The following ANO3 variants were observed in gnomAD, a reference collection of about 807,000 sequenced individuals.
The protein encoded by ANO3 is anoctamin 3, also known as anoctamin-3.
A neutral mutation model predicts 144.8 loss-of-function variants in ANO3; 99 were observed. The ratio of observed to expected loss-of-function variants is 0.68; its 90% confidence interval spans 0.58 to 0.81. The LOEUF is 0.81. ANO3 is among the 30% of genes least tolerant of loss of function. The probability of loss-of-function intolerance (pLI) is 0.00; values close to 1 mark genes in which losing one functional copy is unlikely to be tolerated. For missense variants in ANO3, 905 were observed against 1,202.2 expected (o/e 0.75, Z 3.66); for synonymous variants, 414 against 392.6 (o/e 1.05, Z -0.64).
intron 6 of ANO3, among the ~76,000 whole-genome samples, chr11:26,518,091 G>T (rs1435164899): frequency 6.6e-6 from 1 of 151,932 alleles, no homozygotes; most frequent in Non-Finnish European, 1.5e-5. Flanking sequence ...TTTAAAAAAA[G>T]ATAAATAAAG....
intron 14 of ANO3, among the ~76,000 whole-genome samples, chr11:26,586,501 A>ATTTTTTTTTTTTTTTTTTTTTT (rs1281089936): frequency 9.8e-4 from 39 of 39,986 alleles, no homozygotes; most frequent in African/African-American, 1.3e-3. Flanking sequence ...CCTGGTGAGA[A>ATTTTTTTTTTTTTTTTTTTTTT]TCTTTTTTTT....
intron 14 of ANO3, among the ~76,000 whole-genome samples, chr11:26,587,547 T>C (rs1458312623): frequency 2.0e-5 from 3 of 152,228 alleles, no homozygotes; most frequent in Admixed American, 6.5e-5. Flanking sequence ...GTTCATAACT[T>C]AGGTTTGCAA....
chr11:26,486,439 A>T (rs1339791225), intron 4 of ANO3, among the ~76,000 whole-genome samples: 1 of 151,496 alleles, frequency 6.6e-6, no homozygotes, highest in African/African-American at 2.4e-5. Context: ...CATTTTTTAT[A>T]TTGGCTATAG....
intron 1 of ANO3, among the ~76,000 whole-genome samples, chr11:26,394,534 A>G (rs1671745868): frequency 6.6e-6 from 1 of 151,032 alleles, no homozygotes; most frequent in Admixed American, 6.6e-5. Context: ...ATAATAGGAG[A>G]TAGATGGAAA....
At chr11:26,506,323 G>A (rs1042267559) in intron 4 of ANO3, among the ~76,000 whole-genome samples, 37 of 152,090 alleles carry the variant, frequency 2.4e-4, no homozygotes, top group African/African-American at 8.9e-4. Flanking sequence ...CAAAATGCTG[G>A]CTTCATTATT....
chr11:26,645,533 C>T (rs1039157423), intron 23 of ANO3, among the ~76,000 whole-genome samples: 5 of 152,016 alleles, frequency 3.3e-5, no homozygotes, highest in Non-Finnish European at 5.9e-5. Context: ...ATACTGTCAT[C>T]AAAGTTTATT....
At chr11:26,617,954 T>C (rs10835021) in intron 17 of ANO3, among the ~76,000 whole-genome samples, 105,911 of 152,026 alleles carry the variant, frequency 0.7, 38,035 homozygotes, top group East Asian at 0.84. Flanking sequence ...CCATTAATGT[T>C]AAATATTATA....
chr11:26,290,662 T>C (rs1281539465), intron 1 of ANO3, among the ~76,000 whole-genome samples: 7 of 152,244 alleles, frequency 4.6e-5, no homozygotes, highest in Non-Finnish European at 8.8e-5. Context: ...TTCAATTCAT[T>C]ATTTACCCAG....
Position 26,396,522 on chromosome 11 carries a change from T to A in ANO3, c.47-45396T>A, listed in dbSNP as rs191991287. On this transcript the variant is annotated intron_variant, in intron 1 of 26. Transcript: ENST00000256737. Reference sequence around the variant, plus strand: ...ATGTTTATTGCAGCACTGTTCACAATAGCAAAGACTTGGAACCAACCCAAA... The same window carrying A: ...ATGTTTATTGCAGCACTGTTCACAAAAGCAAAGACTTGGAACCAACCCAAA... 3.4e-3 allele frequency among the ~76,000 whole-genome samples: 511 copies of A among 152,206 alleles called. 1 individual carries two copies. Among genetic ancestry groups the A allele is most frequent in the Middle Eastern group, 6.8e-3 (2 of 294 alleles).
intron 1 of ANO3, among the ~76,000 whole-genome samples, chr11:26,303,061 CAGATAAAAGGGAACACTTATA>C (rs762232612): frequency 5.7e-4 from 86 of 152,208 alleles, no homozygotes; most frequent in Middle Eastern, 3.4e-3. Context: ...AGTGAGGCTT[CAGATAAAAGGGAACACTTATA>C]CACTGTTGGT....
chr11:26,230,552 T>A (rs2133801305), intron 1 of ANO3, among the ~76,000 whole-genome samples: 1 of 152,040 alleles, frequency 6.6e-6, no homozygotes, highest in South Asian at 2.1e-4. Context: ...ATCCCAGCAT[T>A]TTGGGAGGCC....
intron 8 of ANO3, among the ~76,000 whole-genome samples, chr11:26,533,293 A>C (rs1044037878): frequency 3.9e-5 from 6 of 152,216 alleles, no homozygotes; most frequent in Admixed American, 3.9e-4. Flanking sequence ...TGGGGAGAGA[A>C]GAAGAAACAG....
chr11:26,530,266 G>C (rs1186016706), intron 7 of ANO3, among the ~76,000 whole-genome samples: 1 of 152,100 alleles, frequency 6.6e-6, no homozygotes, highest in Non-Finnish European at 1.5e-5. Context: ...AAGTTTACGT[G>C]GCTAGCACAG....
At chr11:26,591,909 C>G (rs897060882) in intron 14 of ANO3, among the ~76,000 whole-genome samples, 7 of 152,006 alleles carry the variant, frequency 4.6e-5, no homozygotes, top group Admixed American at 2.6e-4. Flanking sequence ...GCCACTTTAA[C>G]CATGGTTGGG....
intron 1 of ANO3, among the ~76,000 whole-genome samples, chr11:26,203,940 T>G (rs914468919): frequency 5.9e-5 from 9 of 152,112 alleles, no homozygotes; most frequent in African/African-American, 2.2e-4. Flanking sequence ...CTTCACTTGC[T>G]TTTCCACTCT....
At chr11:26,376,500 G>T (rs945360879) in intron 1 of ANO3, among the ~76,000 whole-genome samples, 1 of 152,024 alleles carries the variant, frequency 6.6e-6, no homozygotes, top group Non-Finnish European at 1.5e-5. Flanking sequence ...AAACTCAGCA[G>T]CTTGGTAAAG....
At chr11:26,577,579 A>G (rs5009080) in intron 14 of ANO3, among the ~76,000 whole-genome samples, 241 of 118,864 alleles carry the variant, frequency 2.0e-3, no homozygotes, top group African/African-American at 5.9e-3. Context: ...AAAAAAAAAA[A>G]AGAGAGAGAG....
chr11:26,211,679 A>C (rs1315444691), intron 1 of ANO3, among the ~76,000 whole-genome samples: 1 of 152,222 alleles, frequency 6.6e-6, no homozygotes, highest in East Asian at 1.9e-4. Context: ...TAGAACTAGA[A>C]ATACAATTTG....
intron 13 of ANO3, among the ~76,000 whole-genome samples, chr11:26,556,746 G>A (rs1320542712): frequency 1.3e-5 from 2 of 152,124 alleles, no homozygotes; most frequent in African/African-American, 4.8e-5. Flanking sequence ...CTGCCCAAGA[G>A]GTAAGGAATG....
Sources: gnomAD v4.1 joint callset for allele counts (sites outside exome capture counted in the v4.1 genomes callset) on GRCh38, gnomAD v4.1.1 for gene constraint, MANE v1.5 for transcripts, NCBI Gene and HGNC (gene_info 2026-07-23, HGNC 2026-07-21) for gene names.